LRBA: variants seen among roughly 807,000 people sequenced by gnomAD.
LRBA encodes the protein lipopolysaccharide-responsive and beige-like anchor protein.
Under a neutral mutation model 330.0 loss-of-function variants are expected in LRBA, and 176 were observed. The observed-to-expected ratio is 0.53, with a 90% CI of 0.47 to 0.60. The LOEUF (loss-of-function observed/expected upper bound fraction) is 0.60. Among genes scored for constraint, LRBA ranks in the 20% least tolerant of loss-of-function variants. The pLI, the probability that LRBA is intolerant of heterozygous loss-of-function variation, is 0.00. For missense variants in LRBA, 3,259 were observed against 3,444.8 expected (o/e 0.95, Z 1.35); for synonymous variants, 1,230 against 1,193.0 (o/e 1.03, Z -0.64).
chr4:150,759,294 A>T (rs962137257), intron 35 of LRBA, among the ~76,000 whole-genome samples: 4 of 152,190 alleles, frequency 2.6e-5, no homozygotes, highest in Non-Finnish European at 2.9e-5. Context: ...CATTTCCCAC[A>T]GAATAAATTA....
chr4:150,402,913 C>CT (rs1189066402), intron 47 of LRBA, among the ~76,000 whole-genome samples: 17 of 150,914 alleles, frequency 1.1e-4, no homozygotes, highest in African/African-American at 3.6e-4. Context: ...CTTCCTTTTT[C>CT]TTTTTTTTTG....
At chr4:150,933,515 A>T (rs1734734316) in intron 2 of LRBA, among the ~76,000 whole-genome samples, 1 of 152,192 alleles carries the variant, frequency 6.6e-6, no homozygotes, top group African/African-American at 2.4e-5. Context: ...TGTGAACAGT[A>T]GGCTACAATT....
At chr4:150,412,388 G>A (rs998613515) in intron 47 of LRBA, among the ~76,000 whole-genome samples, 1 of 152,126 alleles carries the variant, frequency 6.6e-6, no homozygotes, top group Non-Finnish European at 1.5e-5. Flanking sequence ...AGTTTAGAGC[G>A]TGGGTAGCCA....
At position 150,622,537 on chromosome 4, in the gene LRBA, T is replaced by TA. The variant is rs1052073715; in HGVS notation, c.5922-23407dup. 1.3e-4 allele frequency among the ~76,000 whole-genome samples: 19 copies of TA among 151,896 alleles called. 1 individual carries two copies. The highest frequency in any genetic ancestry group is 9.8e-4 in the Admixed American group (15 of 15,268). The stretch of plus-strand genomic sequence containing the variant: ...GAGCAACAGAGGAAGACCCTGTCTA[T>TA]AAAAAAGAAAAGAAATCTAGTAGGA... On this transcript the variant is annotated intron_variant, in intron 37 of 56. Transcript: ENST00000651943.
intron 40 of LRBA, among the ~76,000 whole-genome samples, chr4:150,585,262 A>C (rs1771964824): frequency 6.6e-6 from 1 of 152,214 alleles, no homozygotes; most frequent in Non-Finnish European, 1.5e-5. Flanking sequence ...GGTGATATGA[A>C]CCATTCAGAT....
chr4:150,548,595 A>G (rs1000249564), intron 40 of LRBA, among the ~76,000 whole-genome samples: 2 of 152,168 alleles, frequency 1.3e-5, no homozygotes, highest in African/African-American at 4.8e-5. Flanking sequence ...ATACATCAAT[A>G]TTAGTTATTT....
intron 37 of LRBA, among the ~76,000 whole-genome samples, chr4:150,626,542 T>C (rs1420539485): frequency 6.6e-6 from 1 of 152,114 alleles, no homozygotes; most frequent in African/African-American, 2.4e-5. Context: ...TAAGAGTTAT[T>C]CTTTGTGGTA....
At chr4:150,808,108 G>C (rs907406630) in intron 32 of LRBA, among the ~76,000 whole-genome samples, 3 of 151,592 alleles carry the variant, frequency 2.0e-5, no homozygotes, top group Admixed American at 6.6e-5. Context: ...TGTACATCAT[G>C]AAATGACTTG....
At chr4:150,661,657 C>CGA (rs1310240678) in intron 37 of LRBA, among the ~76,000 whole-genome samples, 1 of 152,024 alleles carries the variant, frequency 6.6e-6, no homozygotes, top group African/African-American at 2.4e-5. Context: ...ATCGCCCAGG[C>CGA]TGGAGTGCAG....
chr4:150,429,153 G>A (rs532063834), intron 46 of LRBA, among the ~76,000 whole-genome samples: 2 of 152,124 alleles, frequency 1.3e-5, no homozygotes, highest in East Asian at 3.9e-4. Context: ...TATGAAGTCA[G>A]GGAGTAAGTA....
At chr4:150,578,164 A>C (rs1417924936) in intron 40 of LRBA, among the ~76,000 whole-genome samples, 1 of 152,244 alleles carries the variant, frequency 6.6e-6, no homozygotes, top group Non-Finnish European at 1.5e-5. Context: ...CTATGCAAGA[A>C]AGTATCACAA....
chr4:150,613,359 T>C (rs917142751), intron 37 of LRBA, among the ~76,000 whole-genome samples: 6 of 152,116 alleles, frequency 3.9e-5, no homozygotes, highest in Admixed American at 3.3e-4. Context: ...TTCTTAGAAG[T>C]GAGTAATCCA....
Position 150,905,774 on chromosome 4 carries a change from A to G in LRBA, c.1755+64T>C, listed in dbSNP as rs1420331368. The G allele has an allele frequency of 5.1e-6, 7 of 1,360,934 alleles. No homozygotes were observed. In the East Asian group the frequency reaches 1.6e-4, roughly 32 times the overall value. 84.3% of individuals were successfully genotyped at this position (1,360,934 alleles called of 1,614,324 possible). A position where few individuals can be genotyped will look rare whatever the true frequency, so the allele number is the denominator to read the frequency against. The stretch of plus-strand genomic sequence containing the variant: ...AAAAAAGAAAATCCTCTTAATTATC[A>G]CTCTCCTCACGCACAAAAACAGCAA... On this transcript the variant is annotated intron_variant, in intron 13 of 56. Coordinates refer to ENST00000651943, the MANE Select transcript of LRBA (RefSeq NM_001364905.1).
chr4:150,715,394 G>C (rs902639422), intron 36 of LRBA, among the ~76,000 whole-genome samples: 4 of 151,986 alleles, frequency 2.6e-5, no homozygotes, highest in Admixed American at 2.0e-4. Flanking sequence ...AAATAATTAA[G>C]AATTAAAAAG....
intron 37 of LRBA, among the ~76,000 whole-genome samples, chr4:150,674,970 C>T (rs1246261289): frequency 2.0e-5 from 3 of 151,342 alleles, no homozygotes; most frequent in Non-Finnish European, 4.4e-5. Flanking sequence ...ATAATCCTAG[C>T]ACTTTGGAAG....
chr4:150,473,909 G>T (rs937787143), intron 42 of LRBA, among the ~76,000 whole-genome samples: 19 of 152,252 alleles, frequency 1.2e-4, no homozygotes, highest in Admixed American at 3.9e-4. Context: ...TACAAATGTT[G>T]TATCAGTCTG....
rs970503405 is a variant in LRBA, at chr4:150,437,507, C to CTATA, written c.6781-647_6781-644dup. 3.1e-3 allele frequency among the ~76,000 whole-genome samples: 425 copies of CTATA among 137,520 alleles called. 1 individual carries two copies. Among genetic ancestry groups the CTATA allele is most frequent in the African/African-American group, 8.0e-3 (319 of 39,706 alleles). The allele number at this position is 137,520 out of a possible 152,430, so 90.2% of individuals were successfully genotyped here. ...GCCGGCATGAACTCTCTCTCTCTCT[C>CTATA]TATATATATATATTATAAAATTAAA... On this transcript the variant is annotated intron_variant, in intron 44 of 56. Coordinates refer to ENST00000651943, the MANE Select transcript of LRBA (RefSeq NM_001364905.1).
chr4:150,842,204 G>T (rs1375277310), intron 28 of LRBA, among the ~76,000 whole-genome samples: 1 of 152,160 alleles, frequency 6.6e-6, no homozygotes, highest in African/African-American at 2.4e-5. Context: ...ATCATCCAGA[G>T]GCACTGTGAA....
At chr4:150,636,153 C>A (rs1207420265) in intron 37 of LRBA, among the ~76,000 whole-genome samples, 1 of 117,408 alleles carries the variant, frequency 8.5e-6, no homozygotes, top group Non-Finnish European at 1.8e-5. Context: ...ATGGTACCTA[C>A]CAAGCTTTTT....
Sources: allele counts gnomAD v4.1 joint callset (sites outside exome capture counted in the v4.1 genomes callset), GRCh38; gene constraint gnomAD v4.1.1; transcripts MANE v1.5; gene names NCBI Gene and HGNC (gene_info 2026-07-23, HGNC 2026-07-21).